Variants in ELP4 observed in about 807,000 individuals in gnomAD.
ELP4 encodes elongator acetyltransferase complex subunit 4.
ELP4 carries 51 observed loss-of-function variants against 48.9 expected under a neutral mutation model. That is an observed-to-expected ratio of 1.04 (90% CI 0.83 to 1.32). ELP4 has a LOEUF of 1.32. Ranked by LOEUF, ELP4 falls within the 40% of genes most tolerant of loss-of-function variation. The pLI, the probability that ELP4 is intolerant of heterozygous loss-of-function variation, is 0.00. For synonymous variants in ELP4, 210 were observed against 189.2 expected, an observed-to-expected ratio of 1.11 and a Z score of -0.90; for missense variants, 519 against 514.6, an observed-to-expected ratio of 1.01 and a Z score of -0.08.
At chr11:31,551,118 T>G (rs1956842615) in intron 3 of ELP4, among the ~76,000 whole-genome samples, 1 of 152,184 alleles carries the variant, frequency 6.6e-6, no homozygotes, top group Non-Finnish European at 1.5e-5. Flanking sequence ...ACCCATAGAG[T>G]GGAAAGTTTG....
intron 9 of ELP4, among the ~76,000 whole-genome samples, chr11:31,742,084 A>G (rs897548020): frequency 6.6e-6 from 1 of 152,226 alleles, no homozygotes; most frequent in Non-Finnish European, 1.5e-5. Context: ...AAGGCACAAG[A>G]GCTACATGAC....
chr11:31,760,376 G>A (rs1292839300), intron 9 of ELP4, among the ~76,000 whole-genome samples: 1 of 152,110 alleles, frequency 6.6e-6, no homozygotes, highest in Non-Finnish European at 1.5e-5. Context: ...TTTCCAGAAT[G>A]CCTCTAGTCC....
chr11:31,601,884 A>G (rs1957791077), intron 4 of ELP4, among the ~76,000 whole-genome samples: 1 of 151,990 alleles, frequency 6.6e-6, no homozygotes. Context: ...CTTTTATTGC[A>G]TGGTGTTTTA....
At chr11:31,604,052 T>G (rs1254282634) in intron 5 of ELP4, 145 bp downstream of exon 5, 1 of 605,772 alleles carries the variant, frequency 1.7e-6, no homozygotes, top group Non-Finnish European at 2.5e-6. Context: ...TAACTTCAAG[T>G]CTATGTATTT....
chr11:31,774,273 A>G (rs774204121), intron 9 of ELP4, among the ~76,000 whole-genome samples: 9 of 152,098 alleles, frequency 5.9e-5, no homozygotes, highest in Non-Finnish European at 7.4e-5. Flanking sequence ...AAAATAATAG[A>G]CTTGAGTGGG....
At chr11:31,600,898 C>T (rs1259207661) in intron 4 of ELP4, among the ~76,000 whole-genome samples, 1 of 151,616 alleles carries the variant, frequency 6.6e-6, no homozygotes, top group Non-Finnish European at 1.5e-5. Flanking sequence ...TTTTTTTTAC[C>T]GTTTTCCTCC....
At chr11:31,608,788 C>T (rs936646534) in intron 5 of ELP4, among the ~76,000 whole-genome samples, 2 of 152,038 alleles carry the variant, frequency 1.3e-5, no homozygotes, top group African/African-American at 2.4e-5. Context: ...GATTCAGTAG[C>T]GTGTCGATGT....
intron 3 of ELP4, among the ~76,000 whole-genome samples, chr11:31,585,683 TAAA>T (rs1386078628): frequency 6.6e-6 from 1 of 152,024 alleles, no homozygotes; most frequent in Non-Finnish European, 1.5e-5. Flanking sequence ...CATGAGTAGA[TAAA>T]AAGAATAATT....
chr11:31,697,970 G>A (rs1331793796), intron 9 of ELP4, among the ~76,000 whole-genome samples: 1 of 151,552 alleles, frequency 6.6e-6, no homozygotes, highest in East Asian at 1.9e-4. Context: ...TTTTTTAAAA[G>A]GATTTTTTAA....
rs1013057483 is a variant in ELP4, at chr11:31,544,150, A to G, written c.381+4367A>G. 2.0e-5 allele frequency among the ~76,000 whole-genome samples: 3 copies of G among 152,236 alleles called. No individual in the cohort carries two copies. The East Asian group carries it at 5.8e-4, about 29-fold the overall frequency. On this transcript the variant is annotated intron_variant, in intron 3 of 9. Transcript: ENST00000640961. ...CTAGGGAGTGCCAGACAGTGGGCGC[A>G]GGTCAGTGGGTGCAGTGCACCATGC...
intron 3 of ELP4, among the ~76,000 whole-genome samples, chr11:31,583,944 T>TTTCGTTCATAAATTAATAAAATTTA (rs1957431763): frequency 6.6e-6 from 1 of 152,062 alleles, no homozygotes; most frequent in East Asian, 1.9e-4. Context: ...TTTTAATTAA[T>TTTCGTTCATAAATTAATAAAATTTA]ATAAATTTAA....
chr11:31,517,100 G>C (rs762497277), intron 1 of ELP4, among the ~76,000 whole-genome samples: 1 of 152,018 alleles, frequency 6.6e-6, no homozygotes, highest in Non-Finnish European at 1.5e-5. Context: ...TATTATTCTA[G>C]GCGCATGTAT....
chr11:31,737,119 A>G (rs1381066348), intron 9 of ELP4, among the ~76,000 whole-genome samples: 1 of 152,242 alleles, frequency 6.6e-6, no homozygotes, highest in Non-Finnish European at 1.5e-5. Context: ...CATATACATC[A>G]TGGAATACTA....
At chr11:31,624,941 A>T (rs1944706352) in intron 5 of ELP4, among the ~76,000 whole-genome samples, 1 of 151,444 alleles carries the variant, frequency 6.6e-6, no homozygotes, top group Non-Finnish European at 1.5e-5. Flanking sequence ...ACACACATAT[A>T]GTTGTCATCT....
intron 9 of ELP4, among the ~76,000 whole-genome samples, chr11:31,717,611 G>A (rs2046623938): frequency 6.6e-6 from 1 of 151,968 alleles, no homozygotes; most frequent in African/African-American, 2.4e-5. Context: ...AAAATTAGCT[G>A]GGTGTGGTGG....
At position 31,523,301 on chromosome 11, in the gene ELP4, A is replaced by T. The variant is rs996015825; in HGVS notation, c.259+3210A>T. On this transcript the variant is annotated intron_variant, in intron 2 of 9. Transcript: ENST00000640961. ...ATTTTAGTTCAGTGTTTAGGAGCCT[A>T]TGGTATTACTATATTGCTCATCACT... is the stretch of plus-strand genomic sequence containing the variant. Among the ~76,000 whole-genome samples, 5 of 152,320 alleles carry T rather than the reference A, an allele frequency of 3.3e-5. No homozygotes were observed. In the East Asian group the frequency reaches 9.6e-4, roughly 29 times the overall value.
intron 9 of ELP4, among the ~76,000 whole-genome samples, chr11:31,710,111 C>T (rs530380713): frequency 6.6e-6 from 1 of 152,268 alleles, no homozygotes. Flanking sequence ...ATCTCCAGCA[C>T]CTGCTATAGT....
chr11:31,715,201 TG>T (rs955686322), intron 9 of ELP4: 1 of 159,300 alleles, frequency 6.3e-6, no homozygotes, highest in African/African-American at 2.4e-5. Context: ...AAATTAAAAT[TG>T]TACAACCAAA....
At chr11:31,770,353 T>C (rs1249417828) in intron 9 of ELP4, among the ~76,000 whole-genome samples, 2 of 152,076 alleles carry the variant, frequency 1.3e-5, no homozygotes, top group African/African-American at 4.8e-5. Flanking sequence ...ATCACAGGAA[T>C]AGTGACCATG....
Sources: gnomAD v4.1 joint callset for allele counts (sites outside exome capture counted in the v4.1 genomes callset) on GRCh38, gnomAD v4.1.1 for gene constraint, MANE v1.5 for transcripts, NCBI Gene and HGNC (gene_info 2026-07-23, HGNC 2026-07-21) for gene names.